Variants in KIF24 observed in about 807,000 individuals in gnomAD.
KIF24 encodes kinesin-like protein KIF24.
Under a neutral mutation model 118.9 loss-of-function variants are expected in KIF24, and 81 were observed. The ratio of observed to expected loss-of-function variants is 0.68; its 90% CI spans 0.57 to 0.82. The LOEUF is 0.82. Ranked by LOEUF, KIF24 falls within the 40% of genes least tolerant of loss-of-function variation. The pLI, the probability that KIF24 is intolerant of heterozygous loss-of-function variation, is 0.00. For missense variants in KIF24, 1,560 were observed against 1,661.6 expected (o/e 0.94, Z 1.06); for synonymous variants, 599 against 610.0 (o/e 0.98, Z 0.27).
intron 8 of KIF24, among the ~76,000 whole-genome samples, chr9:34,267,203 A>G (rs1232459904): frequency 6.6e-6 from 1 of 152,184 alleles, no homozygotes; most frequent in East Asian, 1.9e-4. Context: ...TCAATGGCTG[A>G]TAAAATTCTT....
intron 1 of KIF24, chr9:34,319,208 A>G (rs1587974489): frequency 6.3e-7 from 1 of 1,599,990 alleles, no homozygotes; most frequent in Non-Finnish European, 8.6e-7. Context: ...CAGCCTCATC[A>G]TCCTCATGCC....
intron 6 of KIF24, among the ~76,000 whole-genome samples, chr9:34,286,210 T>C (rs938229624): frequency 1.3e-5 from 2 of 152,112 alleles, no homozygotes; most frequent in African/African-American, 4.8e-5. Context: ...GGTGGGAGCC[T>C]GTAATCTCAG....
At chr9:34,323,106 G>C (rs1201795291) in intron 1 of KIF24, among the ~76,000 whole-genome samples, 1 of 152,130 alleles carries the variant, frequency 6.6e-6, no homozygotes, top group Non-Finnish European at 1.5e-5. Flanking sequence ...GATGATACTA[G>C]ACAACTGCTT....
intron 1 of KIF24, among the ~76,000 whole-genome samples, chr9:34,311,673 T>C (rs1010530293): frequency 5.9e-5 from 6 of 101,990 alleles, no homozygotes; most frequent in African/African-American, 2.0e-4. Flanking sequence ...TATATACGTG[T>C]ATATGTATAT....
chr9:34,284,228 C>A (rs1835955681), intron 6 of KIF24, among the ~76,000 whole-genome samples: 1 of 152,018 alleles, frequency 6.6e-6, no homozygotes, highest in South Asian at 2.1e-4. Flanking sequence ...TGTGTTCATG[C>A]CACTGGACTC....
intron 6 of KIF24, 94 bp from the exon 7 acceptor site, chr9:34,272,024 T>C (rs1427823123): frequency 1.7e-6 from 2 of 1,199,600 alleles, no homozygotes; most frequent in Non-Finnish European, 2.3e-6. Context: ...AGCAGACATA[T>C]AATTGTGTCA....
At chr9:34,333,041 T>C (rs1837988851), upstream of KIF24, among the ~76,000 whole-genome samples, 1 of 152,154 alleles carries the variant, frequency 6.6e-6, no homozygotes, top group African/African-American at 2.4e-5. Flanking sequence ...AACAGTTGGC[T>C]TTCCTCCTCA....
At chr9:34,292,435 G>A (rs908821543) in intron 4 of KIF24, among the ~76,000 whole-genome samples, 1 of 151,240 alleles carries the variant, frequency 6.6e-6, no homozygotes, top group Non-Finnish European at 1.5e-5. Flanking sequence ...CCTCAAAATC[G>A]TCTTTGGAGA....
intron 5 of KIF24, among the ~76,000 whole-genome samples, chr9:34,288,848 CCA>C (rs10537521): frequency 0.29 from 39,608 of 138,368 alleles, 5,663 homozygotes; most frequent in East Asian, 0.44. Context: ...CCCAAATAAA[CCA>C]CACACACACA....
At chr9:34,261,705 T>G (rs564775771) in intron 9 of KIF24, among the ~76,000 whole-genome samples, 7 of 152,206 alleles carry the variant, frequency 4.6e-5, no homozygotes, top group African/African-American at 1.7e-4. Context: ...AGAAATCATA[T>G]AGGCAATCAC....
At chr9:34,282,208 G>A (rs913655229) in intron 6 of KIF24, among the ~76,000 whole-genome samples, 1 of 152,116 alleles carries the variant, frequency 6.6e-6, no homozygotes, top group African/African-American at 2.4e-5. Flanking sequence ...CCACAAAAAG[G>A]AATGAAGTCC....
At chr9:34,275,385 C>T (rs564497294) in intron 6 of KIF24, among the ~76,000 whole-genome samples, 1 of 152,014 alleles carries the variant, frequency 6.6e-6, no homozygotes, top group East Asian at 1.9e-4. Flanking sequence ...CAAAGCAAGA[C>T]TCTGTCTCAA....
chr9:34,287,029 A>T (rs1003072774), intron 5 of KIF24, among the ~76,000 whole-genome samples: 1 of 152,202 alleles, frequency 6.6e-6, no homozygotes, highest in Non-Finnish European at 1.5e-5. Flanking sequence ...TGGTCCAATC[A>T]AAGTAAAGTC....
At chr9:34,289,698 A>G (rs1836179667) in intron 5 of KIF24, among the ~76,000 whole-genome samples, 1 of 152,244 alleles carries the variant, frequency 6.6e-6, no homozygotes, top group Non-Finnish European at 1.5e-5. Flanking sequence ...GTTTAAGCCT[A>G]ACAAGGGTTA....
chr9:34,262,094 A>T (rs1395375783), intron 9 of KIF24, among the ~76,000 whole-genome samples: 1 of 152,140 alleles, frequency 6.6e-6, no homozygotes, highest in Non-Finnish European at 1.5e-5. Flanking sequence ...GGCACGAGCC[A>T]CCACACCCAG....
chr9:34,309,197 A>G (rs1283776253), intron 2 of KIF24, among the ~76,000 whole-genome samples: 1 of 152,230 alleles, frequency 6.6e-6, no homozygotes, highest in Non-Finnish European at 1.5e-5. Flanking sequence ...ATTTTTACTT[A>G]TAAGTAATTC....
In KIF24 at chr9:34,306,385, C is replaced by T. The variant is rs1352665523; in HGVS notation, c.680G>A (p.Cys227Tyr). 1.2e-6 allele frequency: 2 copies of T among 1,612,942 alleles called. No individual in the cohort carries two copies. The highest frequency in any genetic ancestry group is 1.7e-6 in the Non-Finnish European group (2 of 1,179,402). The change falls in exon 3 of 13, where the codon TGT becomes TAT. Residue 227 changes from cysteine to tyrosine, a missense_variant. By Grantham distance (194) the Cys-to-Tyr change is radical (BLOSUM62 -2). Transcript: ENST00000402558. ...PWTEMEKIRV[C>Y]VRKRPLGMRE... is the part of the protein sequence containing the mutation. ...CATGCCCAGGGGGCGTTTTCGAACACAAACTCTGATTTTCTCCATCTCAGT... is the reference window on the plus strand; with the variant it reads ...CATGCCCAGGGGGCGTTTTCGAACATAAACTCTGATTTTCTCCATCTCAGT...
chr9:34,317,078 G>A (rs965080217), intron 1 of KIF24, among the ~76,000 whole-genome samples: 2 of 151,988 alleles, frequency 1.3e-5, no homozygotes, highest in Admixed American at 6.6e-5. Context: ...TTAGCTGGGC[G>A]TGGTTGGCAG....
chr9:34,277,078 T>C (rs1487364271), intron 6 of KIF24, among the ~76,000 whole-genome samples: 1 of 152,168 alleles, frequency 6.6e-6, no homozygotes, highest in African/African-American at 2.4e-5. Context: ...TTTTCTTCAT[T>C]AGAAAAGACA....
Sources: allele counts gnomAD v4.1 joint callset (sites outside exome capture counted in the v4.1 genomes callset), GRCh38; gene constraint gnomAD v4.1.1; transcripts MANE v1.5; gene names NCBI Gene and HGNC (gene_info 2026-07-23, HGNC 2026-07-21).